DNAJC11: variants seen among roughly 807,000 people sequenced by gnomAD.
The protein encoded by DNAJC11 is DnaJ heat shock protein family (Hsp40) member C11.
Under a neutral mutation model 78.6 loss-of-function variants are expected in DNAJC11, and 15 were observed. The observed-to-expected ratio is 0.19, with a 90% CI of 0.13 to 0.29. The LOEUF (loss-of-function observed/expected upper bound fraction) is 0.29. Among genes scored for constraint, DNAJC11 ranks in the 10% least tolerant of loss-of-function variants. The pLI, the probability that DNAJC11 is intolerant of heterozygous loss-of-function variation, is 1.00. For synonymous variants in DNAJC11, 292 were observed against 272.1 expected (o/e 1.07, Z -0.72); for missense variants, 547 against 709.6 (o/e 0.77, Z 2.60).
chr1:6,691,186 C>T (rs1642738985), intron 1 of DNAJC11, among the ~76,000 whole-genome samples: 1 of 107,348 alleles, frequency 9.3e-6, no homozygotes, highest in Admixed American at 1.1e-4. Flanking sequence ...ATCCCAAAGA[C>T]TGAAAAAAAA....
chr1:6,678,324 G>T, intron 3 of DNAJC11, 70 bp downstream of exon 3: 1 of 1,351,224 alleles, frequency 7.4e-7, no homozygotes, highest in Non-Finnish European at 1.1e-6. Flanking sequence ...ACAGATTGCA[G>T]GGTTTTGGGG....
intron 1 of DNAJC11, among the ~76,000 whole-genome samples, chr1:6,688,003 A>AT (rs1192116980): frequency 6.6e-6 from 1 of 152,220 alleles, no homozygotes; most frequent in Non-Finnish European, 1.5e-5. Flanking sequence ...CATACAAAAA[A>AT]ATATATCTGA....
intron 1 of DNAJC11, among the ~76,000 whole-genome samples, chr1:6,684,174 G>A (rs1438512552): frequency 6.6e-6 from 1 of 151,212 alleles, no homozygotes; most frequent in Non-Finnish European, 1.5e-5. Flanking sequence ...TCTGCCTCCT[G>A]GGTTCAAGTA....
intron 3 of DNAJC11, among the ~76,000 whole-genome samples, chr1:6,668,543 TAG>T (rs1443632981): frequency 2.6e-5 from 4 of 152,314 alleles, no homozygotes; most frequent in African/African-American, 9.6e-5. Context: ...AGACAATCGC[TAG>T]AGACTCCTTT....
At chr1:6,691,188 G>GAAAAA (rs5772249) in intron 1 of DNAJC11, among the ~76,000 whole-genome samples, 3 of 125,206 alleles carry the variant, frequency 2.4e-5, no homozygotes, top group African/African-American at 9.2e-5. Context: ...CCCAAAGACT[G>GAAAAA]AAAAAAAAAA....
intron 4 of DNAJC11, among the ~76,000 whole-genome samples, chr1:6,659,109 A>G (rs908927064): frequency 6.6e-6 from 1 of 152,208 alleles, no homozygotes; most frequent in Non-Finnish European, 1.5e-5. Flanking sequence ...AACTTGCTCA[A>G]TGTTCCTTAT....
At chr1:6,643,555 G>A (rs935857654) in intron 10 of DNAJC11, among the ~76,000 whole-genome samples, 7 of 152,102 alleles carry the variant, frequency 4.6e-5, no homozygotes, top group African/African-American at 1.2e-4. Flanking sequence ...GATTACAGGT[G>A]TGAGCCACAG....
At chr1:6,692,344 C>A (rs1397921304) in intron 1 of DNAJC11, among the ~76,000 whole-genome samples, 1 of 151,886 alleles carries the variant, frequency 6.6e-6, no homozygotes, top group Non-Finnish European at 1.5e-5. Flanking sequence ...TCTCTAAACT[C>A]CACTTCCCGG....
chr1:6,675,590 ATTT>A (rs532112530), intron 3 of DNAJC11, among the ~76,000 whole-genome samples: 1 of 151,722 alleles, frequency 6.6e-6, no homozygotes, highest in African/African-American at 2.4e-5. Flanking sequence ...TAATTTTTTC[ATTT>A]TTTATCGCTT....
intron 11 of DNAJC11, among the ~76,000 whole-genome samples, chr1:6,639,020 A>T (rs913916229): frequency 4.6e-5 from 7 of 152,330 alleles, no homozygotes; most frequent in African/African-American, 1.7e-4. Flanking sequence ...CCAGAAGAGG[A>T]GATTCATTCC....
chr1:6,669,550 G>C (rs1410225845), intron 3 of DNAJC11, among the ~76,000 whole-genome samples: 10 of 150,826 alleles, frequency 6.6e-5, no homozygotes, highest in Non-Finnish European at 1.0e-4. Context: ...GAAAAGAAAA[G>C]AAAAGAAAAG....
intron 7 of DNAJC11, among the ~76,000 whole-genome samples, chr1:6,649,319 G>A (rs527734466): frequency 2.0e-5 from 3 of 151,970 alleles, no homozygotes; most frequent in Admixed American, 6.6e-5. Flanking sequence ...AAAGGCGCCC[G>A]CCACCGCTCC....
At chr1:6,671,029 T>C (rs1642371032) in intron 3 of DNAJC11, 1 of 152,192 alleles carries the variant, frequency 6.6e-6, no homozygotes, top group South Asian at 2.1e-4. Flanking sequence ...TATTCATGAC[T>C]TTACAGCCCA....
chr1:6,682,111 T>C (rs1356059056), intron 1 of DNAJC11, among the ~76,000 whole-genome samples: 1 of 125,774 alleles, frequency 8.0e-6, no homozygotes, highest in South Asian at 2.6e-4. Context: ...GGAACACAGA[T>C]CCTCAAAGAA....
At chr1:6,668,469 T>G (rs921740722) in intron 3 of DNAJC11, among the ~76,000 whole-genome samples, 3 of 152,170 alleles carry the variant, frequency 2.0e-5, no homozygotes, top group Non-Finnish European at 2.9e-5. Context: ...AATTTCCTAA[T>G]GAATCTCAGA....
At chr1:6,662,128 G>GTTTTTTTTTTTTT (rs1222028818) in intron 4 of DNAJC11, among the ~76,000 whole-genome samples, 2 of 137,842 alleles carry the variant, frequency 1.5e-5, no homozygotes, top group Non-Finnish European at 1.5e-5. Context: ...ATTGTTTTTT[G>GTTTTTTTTTTTTT]TTTTTTGTTT....
chr1:6,667,107 T>C (rs1179244923), intron 4 of DNAJC11, among the ~76,000 whole-genome samples: 3 of 152,176 alleles, frequency 2.0e-5, no homozygotes, highest in African/African-American at 7.2e-5. Context: ...GACTCAGTAT[T>C]TAAAGGACTT....
chr1:6,683,725 G>A (rs1366348807), intron 1 of DNAJC11, among the ~76,000 whole-genome samples: 2 of 152,186 alleles, frequency 1.3e-5, no homozygotes, highest in Admixed American at 6.5e-5. Context: ...CATGGATAAC[G>A]GAAACATTCA....
Position 6,636,210 on chromosome 1 carries a change from C to G in DNAJC11, c.1561G>C (p.Glu521Gln). 6.2e-7 allele frequency: 1 copy of G among 1,614,146 alleles called. No individual in the cohort carries two copies. Residue 521 changes from glutamate (E) to glutamine (Q), a missense_variant, in exon 15 of 16, where the codon GAA becomes CAA. Transcript: ENST00000377577. ...TAGAGCACTTTCAGGTTCTTCTCTT[C>G]CCCCACACACGGGTCATAAAAGCCA... ...LPGFYDPCVG[E>Q]EKNLKVLYQF...
Sources: gnomAD v4.1 joint callset for allele counts (sites outside exome capture counted in the v4.1 genomes callset) on GRCh38, gnomAD v4.1.1 for gene constraint, MANE v1.5 for transcripts, NCBI Gene and HGNC (gene_info 2026-07-23, HGNC 2026-07-21) for gene names.